Variants in CDH4 observed in about 807,000 individuals in gnomAD.
The protein encoded by CDH4 is cadherin-4.
Under a neutral mutation model 86.0 loss-of-function variants are expected in CDH4, and 33 were observed. That is an observed-to-expected ratio of 0.38 (90% CI 0.29 to 0.51). The LOEUF is 0.51. Ranked by LOEUF, CDH4 falls within the 20% of genes least tolerant of loss-of-function variation. The pLI is 0.86. For synonymous variants in CDH4, 555 were observed against 549.4 expected (o/e 1.01, Z -0.14); for missense variants, 1,114 against 1,307.4 (o/e 0.85, Z 2.28).
intron 4 of CDH4, among the ~76,000 whole-genome samples, chr20:61,838,385 CTGA>C (rs1316400572): frequency 6.6e-6 from 1 of 152,042 alleles, no homozygotes; most frequent in Non-Finnish European, 1.5e-5. Context: ...TGAGAAAACT[CTGA>C]TGTTGTTGGC....
chr20:61,671,218 G>A (rs937736425), intron 2 of CDH4, among the ~76,000 whole-genome samples: 1 of 152,248 alleles, frequency 6.6e-6, no homozygotes, highest in African/African-American at 2.4e-5. Context: ...TGGACCAGGT[G>A]CAGTGGCTCA....
intron 2 of CDH4, among the ~76,000 whole-genome samples, chr20:61,540,843 T>C (rs2086034390): frequency 6.6e-6 from 1 of 152,024 alleles, no homozygotes; most frequent in African/African-American, 2.4e-5. Flanking sequence ...AATTTGGTGC[T>C]TCCCAGTGAT....
chr20:61,727,019 T>C (rs1253699324), intron 2 of CDH4, among the ~76,000 whole-genome samples: 1 of 147,748 alleles, frequency 6.8e-6, no homozygotes, highest in Non-Finnish European at 1.5e-5. Flanking sequence ...GCCATCACCA[T>C]TGGTGCTGCC....
Position 61,517,572 on chromosome 20 carries a change from A to G in CDH4, c.170-225991A>G, listed in dbSNP as rs1382897881. On this transcript the variant is annotated intron_variant, in intron 2 of 15. Transcript: ENST00000614565. This position sits in a 1 kb window ranked among gnomAD's most constrained non-coding sequence, Gnocchi z 6.6. The stretch of plus-strand genomic sequence containing the variant: ...CCCAGTGGAGGATGAATTCAAGCAC[A>G]ATTCCTGCCTTCTTCACTCCTGACC... Among the ~76,000 whole-genome samples the G allele has an allele frequency of 2.6e-5, 4 of 152,080 alleles. No homozygotes were observed. The highest frequency in any genetic ancestry group is 9.7e-5 in the African/African-American group (4 of 41,412).
chr20:61,769,068 C>A (rs902036121), intron 3 of CDH4, among the ~76,000 whole-genome samples: 1 of 152,150 alleles, frequency 6.6e-6, no homozygotes, highest in South Asian at 2.1e-4. Context: ...CCCAGAGGGC[C>A]CCTGCTAGTG....
chr20:61,718,691 CTGTG>C (rs755907702), intron 2 of CDH4: 1 of 416,472 alleles, frequency 2.4e-6, no homozygotes, highest in Non-Finnish European at 5.1e-6. Context: ...CTGCATGACA[CTGTG>C]TGAATTAGCT....
rs370529267 is a variant in CDH4 at position 61,799,878 on chromosome 20, C to T, written c.576+26696C>T. Among the ~76,000 whole-genome samples, 13 of 152,312 alleles carry T rather than the reference C, an allele frequency of 8.5e-5. 1 individual carries two copies. Among genetic ancestry groups the T allele is most frequent in the East Asian group, 1.9e-4 (1 of 5,162 alleles). On this transcript the variant is annotated intron_variant, in intron 4 of 15. Coordinates refer to ENST00000614565, the MANE Select transcript of CDH4 (RefSeq NM_001794.5). ...CAGCCTCATAACACCACGGTCCCTGCGGGGCCTCGAGTGGGGCCTCTGCAG... is the reference window on the plus strand; with the variant it reads ...CAGCCTCATAACACCACGGTCCCTGTGGGGCCTCGAGTGGGGCCTCTGCAG...
At chr20:61,849,110 C>T (rs907269273) in intron 5 of CDH4, among the ~76,000 whole-genome samples, 4 of 152,118 alleles carry the variant, frequency 2.6e-5, no homozygotes, top group African/African-American at 9.7e-5. Flanking sequence ...GGAGAAGAAG[C>T]TGCATCGTCT....
intron 2 of CDH4, among the ~76,000 whole-genome samples, chr20:61,301,413 G>C (rs954444618): frequency 6.6e-6 from 1 of 152,210 alleles, no homozygotes; most frequent in African/African-American, 2.4e-5. Context: ...GGCAGCTGCT[G>C]GTACTCACTG....
intron 2 of CDH4, among the ~76,000 whole-genome samples, chr20:61,639,440 C>A (rs1357279908): frequency 2.0e-5 from 3 of 152,226 alleles, no homozygotes; most frequent in Admixed American, 2.0e-4. Context: ...GATGGCTGCT[C>A]TGTCATTTCC....
intron 2 of CDH4, among the ~76,000 whole-genome samples, chr20:61,268,007 A>G (rs1386718717): frequency 6.6e-6 from 1 of 152,194 alleles, no homozygotes; most frequent in African/African-American, 2.4e-5. Context: ...CCTGTGTTGC[A>G]GCGGGCTGAT....
rs774078094 is a variant in CDH4 at position 61,852,749 on chromosome 20, T to A, written c.733-5T>A. On this transcript the variant is annotated splice_region_variant and splice_polypyrimidine_tract_variant and intron_variant, in intron 5 of 15. Transcript: ENST00000614565. Reference sequence around the variant, plus strand: ...CACTGGGCCCTGTCTCTGCTGCTTTTCCAGCTCCGAGCCCACGCTGTGGAC... The same window carrying A: ...CACTGGGCCCTGTCTCTGCTGCTTTACCAGCTCCGAGCCCACGCTGTGGAC... 5.0e-6 allele frequency: 8 copies of A among 1,607,606 alleles called. No homozygotes were observed. Among genetic ancestry groups the A allele is most frequent in the Middle Eastern group, 1.7e-4 (1 of 6,026 alleles).
At chr20:61,424,195 C>A (rs2085197748) in intron 2 of CDH4, among the ~76,000 whole-genome samples, 1 of 149,394 alleles carries the variant, frequency 6.7e-6, no homozygotes, top group African/African-American at 2.5e-5. Context: ...ACACATGTAT[C>A]CACACGCATC....
chr20:61,412,090 C>T (rs1268382195), intron 2 of CDH4, among the ~76,000 whole-genome samples: 2 of 152,264 alleles, frequency 1.3e-5, no homozygotes, highest in Non-Finnish European at 2.9e-5. Context: ...CAACCCTCCT[C>T]TGCAGGCACC....
chr20:61,745,092 G>A (rs149615809), intron 3 of CDH4, among the ~76,000 whole-genome samples: 8 of 152,336 alleles, frequency 5.3e-5, no homozygotes, highest in South Asian at 2.1e-4. Context: ...TTTGAGATAC[G>A]GTGAGCAAAG....
At chr20:61,526,590 T>C (rs2085912475) in intron 2 of CDH4, among the ~76,000 whole-genome samples, 1 of 151,464 alleles carries the variant, frequency 6.6e-6, no homozygotes, top group Admixed American at 6.6e-5. Context: ...GCTGGTGTGC[T>C]GCACCCACTA....
intron 2 of CDH4, among the ~76,000 whole-genome samples, chr20:61,356,862 A>G (rs942094448): frequency 1.3e-5 from 2 of 152,236 alleles, no homozygotes; most frequent in African/African-American, 4.8e-5. Context: ...ATCTGGACAG[A>G]TTTGAAAGAT....
At chr20:61,929,485 G>A in intron 12 of CDH4, 124 bp from the exon 13 acceptor site, 1 of 688,276 alleles carries the variant, frequency 1.5e-6, no homozygotes, top group Non-Finnish European at 2.6e-6. Context: ...ATGTATGTAT[G>A]TGTGGTAACC....
intron 2 of CDH4, among the ~76,000 whole-genome samples, chr20:61,280,716 G>C (rs2084254072): frequency 6.6e-6 from 1 of 152,200 alleles, no homozygotes; most frequent in Admixed American, 6.5e-5. Context: ...GGGGATGTGG[G>C]GGCAGCACAG....
Sources: gnomAD v4.1 joint callset for allele counts (sites outside exome capture counted in the v4.1 genomes callset) on GRCh38, gnomAD v4.1.1 for gene constraint, Gnocchi (gnomAD v3.1) non-coding constraint, MANE v1.5 for transcripts, NCBI Gene and HGNC (gene_info 2026-07-23, HGNC 2026-07-21) for gene names.